The following FAM186A variants were observed in gnomAD, a reference collection of about 807,000 sequenced individuals.
FAM186A encodes protein FAM186A.
FAM186A carries 163 observed loss-of-function variants against 216.8 expected under a neutral mutation model. That is an observed-to-expected ratio of 0.75 (90% CI 0.66 to 0.86). The LOEUF (loss-of-function observed/expected upper bound fraction) is 0.86, where lower values mean the gene tolerates loss of function less well. Ranked by LOEUF, FAM186A falls within the 40% of genes least tolerant of loss-of-function variation. The pLI, the probability that FAM186A is intolerant of heterozygous loss-of-function variation, is 0.00. For missense variants in FAM186A, 2,184 were observed against 2,746.2 expected (o/e 0.80, Z 4.58); for synonymous variants, 805 against 1,025.3 (o/e 0.79, Z 4.10).
intron 1 of FAM186A, among the ~76,000 whole-genome samples, chr12:50,369,982 G>A (rs1244298531): frequency 2.0e-5 from 3 of 151,772 alleles, no homozygotes; most frequent in African/African-American, 4.8e-5. Flanking sequence ...AAATTAGCCG[G>A]GCGTGGTGGT....
chr12:50,346,216 A>AGAGAGAGAGG (rs1482237092), intron 4 of FAM186A, among the ~76,000 whole-genome samples: 1 of 113,440 alleles, frequency 8.8e-6, no homozygotes, highest in African/African-American at 3.8e-5. Context: ...AGAGAGAGAG[A>AGAGAGAGAGG]GAAGGAAAGA....
Position 50,353,739 on chromosome 12 carries a change from C to A in FAM186A, c.3093G>T (p.Arg1031Ser). Residue 1031 changes from arginine to serine, a missense_variant, in exon 4 of 8, where the codon AGG becomes AGT. Physicochemically the swap from Arg to Ser is moderately radical, Grantham distance 110. Around this residue, in one of 7 missense-constraint regions of FAM186A, gnomAD observed 1,132 missense variants for 1,263.4 expected, o/e 0.90. Coordinates refer to ENST00000327337, the MANE Select transcript of FAM186A (RefSeq NM_001145475.3). ...GAAGGTTCTCTAATGTCTTCAGATT[C>A]CTCTGAAACTCTTTTCCTTCATATG... is the stretch of plus-strand genomic sequence containing the variant. ...QRSYEGKEFQRNLKTLENLPD... is the reference protein window; with the variant it reads ...QRSYEGKEFQSNLKTLENLPD... 1 of 1,549,938 alleles carries A rather than the reference C, an allele frequency of 6.5e-7. No homozygotes were observed. The highest frequency in any genetic ancestry group is 2.4e-5 in the East Asian group (1 of 40,928).
At chr12:50,394,760 T>TTTTTTTTTTTTTTTG (rs1555220023) in intron 1 of FAM186A, among the ~76,000 whole-genome samples, 1 of 112,740 alleles carries the variant, frequency 8.9e-6, no homozygotes, top group Non-Finnish European at 2.1e-5. Context: ...TTTTTTTTTT[T>TTTTTTTTTTTTTTTG]AGAGATAGAG....
At chr12:50,328,290 C>G (rs551539648) in intron 7 of FAM186A, among the ~76,000 whole-genome samples, 2 of 152,222 alleles carry the variant, frequency 1.3e-5, no homozygotes, top group East Asian at 3.9e-4. Flanking sequence ...GAGGGGATCA[C>G]TTGACCCCAG....
Position 50,363,204 on chromosome 12 carries a change from T to C in FAM186A, c.353A>G (p.Lys118Arg). The C allele has an allele frequency of 6.4e-7, 1 of 1,551,602 alleles. No homozygotes were observed. The highest frequency in any genetic ancestry group is 8.7e-7 in the Non-Finnish European group (1 of 1,146,966). ...AGTCTTTTCTCTTATTTCAATAGTCTTAGCGTAAGTAGCCATTTTCTCAAG... is the reference window on the plus strand; with the variant it reads ...AGTCTTTTCTCTTATTTCAATAGTCCTAGCGTAAGTAGCCATTTTCTCAAG... ...NFLEKMATYAKTIEIREKTLA... is the reference protein window; with the variant it reads ...NFLEKMATYARTIEIREKTLA... The change falls in exon 2 of 8, where the codon AAG becomes AGG. Residue 118 changes from lysine to arginine, a missense_variant. By Grantham distance (26) the Lys-to-Arg change is conservative. Transcript: ENST00000327337.
At chr12:50,362,152 T>C (rs934838765) in intron 2 of FAM186A, among the ~76,000 whole-genome samples, 9 of 151,828 alleles carry the variant, frequency 5.9e-5, no homozygotes, top group African/African-American at 2.2e-4. Flanking sequence ...TTTTGTATTT[T>C]AGTAGAGACG....
Position 50,353,455 on chromosome 12 carries a change from T to C in FAM186A, c.3377A>G (p.Gln1126Arg). ...AQALEILFTP[Q>R]QAQALGIPLT... ...AGGGATCCCCAGGGCCTGCGCCTGC[T>C]GAGGGGTGAAAAGGATCTCCAGGGC... The change falls in exon 4 of 8, where the codon CAG becomes CGG. Residue 1126 changes from glutamine to arginine, a missense_variant. Physicochemically the swap from Gln to Arg is conservative, Grantham distance 43. Transcript: ENST00000327337. 2.6e-6 allele frequency: 4 copies of C among 1,528,142 alleles called. No homozygotes were observed. The highest frequency in any genetic ancestry group is 3.5e-6 in the Non-Finnish European group (4 of 1,136,202). 94.7% of individuals were successfully genotyped at this position (1,528,142 alleles called of 1,614,324 possible). A position where few individuals can be genotyped will look rare whatever the true frequency, so the allele number is the denominator to read the frequency against.
At chr12:50,332,295 G>A (rs1942663723) in intron 5 of FAM186A, among the ~76,000 whole-genome samples, 1 of 152,134 alleles carries the variant, frequency 6.6e-6, no homozygotes, top group African/African-American at 2.4e-5. Flanking sequence ...ACAACCTTAT[G>A]CGGTATGTCT....
At chr12:50,370,123 C>CAAAAAAAAAAAA (rs56403101) in intron 1 of FAM186A, among the ~76,000 whole-genome samples, 8 of 38,446 alleles carry the variant, frequency 2.1e-4, no homozygotes, top group Non-Finnish European at 2.8e-4. Flanking sequence ...GACTCCATCT[C>CAAAAAAAAAAAA]AAAAAAAAAA....
intron 1 of FAM186A, among the ~76,000 whole-genome samples, chr12:50,376,190 C>G (rs376435195): frequency 6.6e-6 from 1 of 152,176 alleles, no homozygotes; most frequent in African/African-American, 2.4e-5. Flanking sequence ...TTCACTCACA[C>G]GGTCCGGGGG....
chr12:50,373,067 G>T (rs1232691847), intron 1 of FAM186A, among the ~76,000 whole-genome samples: 1 of 142,140 alleles, frequency 7.0e-6, no homozygotes, highest in Non-Finnish European at 1.5e-5. Context: ...AAGAAAGAAA[G>T]AAAGAAAGAG....
At chr12:50,372,583 G>A (rs1943151749) in intron 1 of FAM186A, among the ~76,000 whole-genome samples, 1 of 148,302 alleles carries the variant, frequency 6.7e-6, no homozygotes, top group African/African-American at 2.5e-5. Context: ...GACAGTGTGA[G>A]ACTCTGTCTC....
At chr12:50,357,214 A>G (rs1942986982) in intron 3 of FAM186A, among the ~76,000 whole-genome samples, 1 of 152,148 alleles carries the variant, frequency 6.6e-6, no homozygotes, top group Non-Finnish European at 1.5e-5. Context: ...ATAGATAAAA[A>G]AGACACACAT....
intron 1 of FAM186A, among the ~76,000 whole-genome samples, chr12:50,378,582 GTAAATTGTATATATATATA>G (rs1943222983): frequency 1.9e-4 from 2 of 10,564 alleles, no homozygotes; most frequent in Non-Finnish European, 4.1e-3. Flanking sequence ...ATACACATAT[GTAAATTGTATATATATATA>G]TACACATATG....
Position 50,377,834 on chromosome 12 carries a change from C to CAA in FAM186A, c.193-14472_193-14471dup, listed in dbSNP as rs58718750. Among the ~76,000 whole-genome samples the CAA allele has an allele frequency of 9.4e-3, 1,314 of 139,738 alleles. 14 individuals carry two copies. Among genetic ancestry groups the CAA allele is most frequent in the East Asian group, 0.043 (210 of 4,882 alleles). 91.7% of individuals were successfully genotyped at this position (139,738 alleles called of 152,430 possible). A position where few individuals can be genotyped will look rare whatever the true frequency, so the allele number is the denominator to read the frequency against. On this transcript the variant is annotated intron_variant, in intron 1 of 7. Coordinates refer to ENST00000327337, the MANE Select transcript of FAM186A (RefSeq NM_001145475.3). ...CGGGCAAAAGAGCAAAACTCCACCT[C>CAA]AAAAAAAAAAAAACAAGAAAAGAAA...
At chr12:50,337,438 G>A (rs1369327545) in intron 4 of FAM186A, among the ~76,000 whole-genome samples, 1 of 149,756 alleles carries the variant, frequency 6.7e-6, no homozygotes, top group East Asian at 2.0e-4. Flanking sequence ...TGGGACTATA[G>A]GCACACCGTC....
At chr12:50,347,299 G>A (rs554623052) in intron 4 of FAM186A, among the ~76,000 whole-genome samples, 2 of 152,198 alleles carry the variant, frequency 1.3e-5, no homozygotes, top group Admixed American at 1.3e-4. Context: ...GCTCAGCACA[G>A]AAATAACGTA....
At chr12:50,361,310 T>G (rs1326660050) in intron 2 of FAM186A, among the ~76,000 whole-genome samples, 1 of 152,202 alleles carries the variant, frequency 6.6e-6, no homozygotes, top group Non-Finnish European at 1.5e-5. Flanking sequence ...GCGATTCTCC[T>G]GCCTCAGCCT....
chr12:50,339,046 A>G (rs1942737794), intron 4 of FAM186A, among the ~76,000 whole-genome samples: 1 of 151,534 alleles, frequency 6.6e-6, no homozygotes, highest in Non-Finnish European at 1.5e-5. Context: ...ACAGGGTCTC[A>G]CTGTGTTGCC....
Sources: gnomAD v4.1 joint callset for allele counts (sites outside exome capture counted in the v4.1 genomes callset) on GRCh38, gnomAD v4.1.1 for gene constraint, gnomAD v4.1.1 regional missense constraint, MANE v1.5 for transcripts, NCBI Gene and HGNC (gene_info 2026-07-23, HGNC 2026-07-21) for gene names.